The following DLG2 variants were observed in gnomAD, a reference collection of about 807,000 sequenced individuals.
DLG2 encodes discs large MAGUK scaffold protein 2.
DLG2 carries 45 observed loss-of-function variants against 132.5 expected under a neutral mutation model. The ratio of observed to expected loss-of-function variants is 0.34; its 90% CI spans 0.27 to 0.44. The LOEUF (loss-of-function observed/expected upper bound fraction) is 0.44, where lower values mean the gene tolerates loss of function less well. Ranked by LOEUF, DLG2 falls within the 20% of genes least tolerant of loss-of-function variation. DLG2 has a pLI of 1.00. For synonymous variants in DLG2, 424 were observed against 419.6 expected, an observed-to-expected ratio of 1.01 and a Z score of -0.13; for missense variants, 1,045 against 1,196.9, an observed-to-expected ratio of 0.87 and a Z score of 1.87.
intron 3 of DLG2, among the ~76,000 whole-genome samples, chr11:85,498,962 G>A (rs973783241): frequency 6.6e-6 from 1 of 152,104 alleles, no homozygotes; most frequent in Non-Finnish European, 1.5e-5. Context: ...GAAATTTATA[G>A]CACTAAATGC....
chr11:84,528,916 T>C (rs1463637639), intron 7 of DLG2, among the ~76,000 whole-genome samples: 3 of 152,222 alleles, frequency 2.0e-5, no homozygotes, highest in South Asian at 2.1e-4. Flanking sequence ...ATCACAGTAC[T>C]GTGCTGGAGC....
intron 7 of DLG2, among the ~76,000 whole-genome samples, chr11:84,515,645 T>G (rs1246521099): frequency 6.6e-6 from 1 of 151,816 alleles, no homozygotes; most frequent in Non-Finnish European, 1.5e-5. Context: ...AGTAGGAGAC[T>G]TTATCACCCC....
chr11:84,761,743 C>T (rs1013940460), intron 6 of DLG2, among the ~76,000 whole-genome samples: 1 of 152,178 alleles, frequency 6.6e-6, no homozygotes, highest in Non-Finnish European at 1.5e-5. Context: ...GGCTTCCCTA[C>T]TTTTGAGGTT....
intron 6 of DLG2, among the ~76,000 whole-genome samples, chr11:84,774,445 TC>T (rs1212434999): frequency 1.3e-5 from 2 of 152,032 alleles, no homozygotes; most frequent in East Asian, 3.9e-4. Flanking sequence ...AAAAGACTAT[TC>T]TAAAATCCAT....
chr11:85,447,902 TA>T (rs1329093928), intron 3 of DLG2, among the ~76,000 whole-genome samples: 1 of 152,182 alleles, frequency 6.6e-6, no homozygotes, highest in Non-Finnish European at 1.5e-5. Context: ...AAACTGATCT[TA>T]ACCAATCTCT....
chr11:84,217,221 G>A (rs936083861), intron 8 of DLG2, among the ~76,000 whole-genome samples: 2 of 152,110 alleles, frequency 1.3e-5, no homozygotes, highest in Non-Finnish European at 2.9e-5. Flanking sequence ...CCATTTATAT[G>A]GGTTGGCTGT....
intron 6 of DLG2, among the ~76,000 whole-genome samples, chr11:85,004,695 T>A (rs986420042): frequency 1.4e-4 from 21 of 152,118 alleles, no homozygotes; most frequent in African/African-American, 2.2e-4. Context: ...TAGTTTTTTT[T>A]AATTATTTTG....
intron 4 of DLG2, among the ~76,000 whole-genome samples, chr11:85,269,904 C>T (rs1012835636): frequency 3.3e-5 from 5 of 151,910 alleles, no homozygotes; most frequent in East Asian, 1.9e-4. Context: ...AATAATAATA[C>T]CCATCTTATA....
At chr11:85,260,858 G>A (rs2076902332) in intron 4 of DLG2, among the ~76,000 whole-genome samples, 1 of 152,134 alleles carries the variant, frequency 6.6e-6, no homozygotes. Context: ...AACCAGAGAT[G>A]GGATGTAGCA....
chr11:83,722,929 C>T (rs2089040052), intron 18 of DLG2, among the ~76,000 whole-genome samples: 2 of 152,170 alleles, frequency 1.3e-5, no homozygotes, highest in Admixed American at 6.5e-5. Context: ...TGTTACATTG[C>T]ACTGTTTTTC....
At chr11:84,067,657 G>T (rs965249842) in intron 10 of DLG2, among the ~76,000 whole-genome samples, 1 of 151,928 alleles carries the variant, frequency 6.6e-6, no homozygotes, top group Non-Finnish European at 1.5e-5. Flanking sequence ...ATGTCTGCCT[G>T]TTATCTCACT....
chr11:84,191,519 G>A (rs573399985), intron 8 of DLG2, among the ~76,000 whole-genome samples: 118 of 152,172 alleles, frequency 7.8e-4, no homozygotes, highest in Middle Eastern at 3.4e-3. Context: ...AACAAACCTC[G>A]CCCAAACTTC....
chr11:84,911,480 T>A (rs2092052537), intron 6 of DLG2, among the ~76,000 whole-genome samples: 1 of 151,942 alleles, frequency 6.6e-6, no homozygotes, highest in Non-Finnish European at 1.5e-5. Flanking sequence ...ATTATTTGAA[T>A]CATTCTTTTA....
intron 19 of DLG2, among the ~76,000 whole-genome samples, chr11:83,584,270 G>C (rs1275143748): frequency 2.6e-5 from 4 of 152,186 alleles, no homozygotes; most frequent in African/African-American, 9.7e-5. Context: ...GCATGTAGTA[G>C]TGTTTAAAAC....
At chr11:84,891,342 T>A (rs1282649584) in intron 6 of DLG2, among the ~76,000 whole-genome samples, 4 of 152,184 alleles carry the variant, frequency 2.6e-5, no homozygotes, top group African/African-American at 4.8e-5. Context: ...ATTTTTAAAT[T>A]ATCTTCAATA....
chr11:83,975,282 T>C (rs534792450), intron 12 of DLG2, among the ~76,000 whole-genome samples: 2 of 152,184 alleles, frequency 1.3e-5, no homozygotes, highest in South Asian at 4.1e-4. Context: ...AGAATCTATT[T>C]CATCTGAGAC....
chr11:84,283,224 C>A (rs1370578392), intron 7 of DLG2, among the ~76,000 whole-genome samples: 1 of 152,180 alleles, frequency 6.6e-6, no homozygotes, highest in Admixed American at 6.5e-5. Flanking sequence ...CACATGGCAT[C>A]CCCATGAAGG....
At chr11:83,611,020 A>C (rs915253475) in intron 19 of DLG2, among the ~76,000 whole-genome samples, 1 of 152,212 alleles carries the variant, frequency 6.6e-6, no homozygotes, top group South Asian at 2.1e-4. Context: ...AAAAATTAAC[A>C]CAAAAACATT....
At chr11:85,611,469 C>G (rs1274351334) in intron 2 of DLG2, among the ~76,000 whole-genome samples, 1 of 152,212 alleles carries the variant, frequency 6.6e-6, no homozygotes, top group African/African-American at 2.4e-5. Context: ...ATAGTCCAAA[C>G]TTATGCCGCC....
Sources: allele counts gnomAD v4.1 joint callset (sites outside exome capture counted in the v4.1 genomes callset), GRCh38; gene constraint gnomAD v4.1.1; transcripts MANE v1.5; gene names NCBI Gene and HGNC (gene_info 2026-07-23, HGNC 2026-07-21).